LMNTD2: variants seen among roughly 807,000 people sequenced by gnomAD.
LMNTD2 encodes the protein lamin tail domain-containing protein 2.
In LMNTD2, 83 loss-of-function variants were observed where a neutral mutation model predicts 70.1. The observed-to-expected ratio is 1.18, with a 90% CI of 0.99 to 1.42. LMNTD2 has a LOEUF of 1.42. Ranked by LOEUF, LMNTD2 falls within the 40% of genes most tolerant of loss-of-function variation. The pLI, the probability that LMNTD2 is intolerant of heterozygous loss-of-function variation, is 0.00. For synonymous variants in LMNTD2, 534 were observed against 406.1 expected, an observed-to-expected ratio of 1.31 and a Z score of -3.79; for missense variants, 1,153 against 905.9, an observed-to-expected ratio of 1.27 and a Z score of -3.50.
chr11:560,690 C>T lies in LMNTD2; in HGVS notation c.27G>A (p.Arg9=), dbSNP rs988868256. The change falls in exon 1 of 14, where the codon AGG becomes AGA. Residue 9 remains arginine (R), a synonymous_variant. Transcript: ENST00000329451. The stretch of plus-strand genomic sequence containing the variant: ...GCGGGGCCAGACACCTACCCCGACG[C>T]CTGCCCGCGGGCCGCAGCCACCGCA... MRWLRPAG[R]RREQESVSGH... 57 of 1,440,418 alleles carry T rather than the reference C, an allele frequency of 4.0e-5. No individual in the cohort carries two copies. The highest frequency in any genetic ancestry group is 5.1e-5 in the Non-Finnish European group (56 of 1,088,176). The allele number at this position is 1,440,418 out of a possible 1,614,324, so 89.2% of individuals were successfully genotyped here. A position where few individuals can be genotyped will look rare whatever the true frequency, so the allele number is the denominator to read the frequency against.
intron 11 of LMNTD2, 24 bp from the exon 12 acceptor site, chr11:555,954 C>A: frequency 6.4e-7 from 1 of 1,555,810 alleles, no homozygotes. Flanking sequence ...CGGTCACCCC[C>A]ACACCCCAGC....
chr11:557,332 G>A, intron 7 of LMNTD2, 67 bp downstream of exon 7: 4 of 1,514,068 alleles, frequency 2.6e-6, no homozygotes, highest in Non-Finnish European at 3.6e-6. Context: ...TTAGTGTCCT[G>A]CGTCTTCACT....
chr11:555,768 C>T lies in LMNTD2; in HGVS notation c.1540G>A (p.Val514Met). 1 of 1,461,754 alleles carries T rather than the reference C, an allele frequency of 6.8e-7. No individual in the cohort carries two copies. Among genetic ancestry groups the T allele is most frequent in the Non-Finnish European group, 8.9e-7 (1 of 1,119,978 alleles). The allele number at this position is 1,461,754 out of a possible 1,614,324, so 90.5% of individuals were successfully genotyped here. Reference protein sequence around the residue: ...RPPRPLRKGRVREPRVSRRRP... With the variant: ...RPPRPLRKGRMREPRVSRRRP... The stretch of plus-strand genomic sequence containing the variant: ...CGGCGACTGACCCGGGGCTCCCGCA[C>T]CCGGCCTTTGCGCAGGGGTCGAGGT... Residue 514 changes from valine (V) to methionine (M), a missense_variant, in exon 12 of 14, where the codon GTG (valine) becomes ATG (methionine). Val to Met is a conservative substitution (Grantham distance 21, BLOSUM62 1). Transcript: ENST00000329451.
At position 556,537 on chromosome 11, in the gene LMNTD2, TG is replaced by T. The variant is rs757944207; in HGVS notation, c.1027del (p.Gln343SerfsTer20). On this transcript the variant is annotated frameshift_variant, in exon 9 of 14. Coordinates refer to ENST00000329451, the MANE Select transcript of LMNTD2 (RefSeq NM_173573.3). LOFTEE classifies it high-confidence loss of function. ...CCAGTGGTCCGGGTCTGTGCAGGGC[TG>T]GGGCGACAGGACCGGCTCGCCGTGC... is the stretch of plus-strand genomic sequence containing the variant. ...PRHGEPVLSP[Q>X]PCTDPDHWSP... is the part of the protein sequence containing the mutation. The T allele has an allele frequency of 5.8e-6, 9 of 1,561,276 alleles. No homozygotes were observed. The highest frequency in any genetic ancestry group is 6.9e-6 in the Non-Finnish European group (8 of 1,153,270).
chr11:559,253 C>A, intron 1 of LMNTD2: 2 of 1,494,900 alleles, frequency 1.3e-6, no homozygotes, highest in East Asian at 2.7e-5. Context: ...GGCGTGTACC[C>A]CTGCCACCCA....
At chr11:559,112 C>G (rs1853109307) in intron 1 of LMNTD2, 133 bp from the exon 2 acceptor site, 85 of 1,496,574 alleles carry the variant, frequency 5.7e-5, no homozygotes, top group Non-Finnish European at 7.3e-5. Flanking sequence ...TGTGGCCACA[C>G]AGGTTGGAGC....
At chr11:559,429 CTGTT>C (rs889622157) in intron 1 of LMNTD2, 2 of 1,306,908 alleles carry the variant, frequency 1.5e-6, no homozygotes, top group African/African-American at 1.5e-5. Context: ...AGGGGTGGGG[CTGTT>C]TGTTACCAGG....
Position 558,152 on chromosome 11 carries a change from C to T in LMNTD2, c.399+9G>A. 6.2e-7 allele frequency: 1 copy of T among 1,613,034 alleles called. No homozygotes were observed. Among genetic ancestry groups the T allele is most frequent in the South Asian group, 1.1e-5 (1 of 91,068 alleles). ...AGGACCCTGCCCACTCCCTGTGCCCCTGCCTCACCCACTGGGCTCGCTCCT... is the reference window on the plus strand; with the variant it reads ...AGGACCCTGCCCACTCCCTGTGCCCTTGCCTCACCCACTGGGCTCGCTCCT... On this transcript the variant is annotated intron_variant, in intron 4 of 13. Coordinates refer to ENST00000329451, the MANE Select transcript of LMNTD2 (RefSeq NM_173573.3).
rs1464741469 is a variant in LMNTD2, at chr11:559,351, G to C, written c.35-372C>G. ...GGCCCTACCCCCAGCACTCACCTGA[G>C]GCCCGACCTCCAAGCAGGCCTGGGA... On this transcript the variant is annotated intron_variant, in intron 1 of 13. Coordinates refer to ENST00000329451, the MANE Select transcript of LMNTD2 (RefSeq NM_173573.3). 3 of 1,349,236 alleles carry C rather than the reference G, an allele frequency of 2.2e-6. No individual in the cohort carries two copies. The South Asian group carries it at 3.7e-5, about 17-fold the overall frequency. The allele number at this position is 1,349,236 out of a possible 1,614,324, so 83.6% of individuals were successfully genotyped here.
At chr11:560,507 C>T in intron 1 of LMNTD2, 176 bp downstream of exon 1, 2 of 1,269,658 alleles carry the variant, frequency 1.6e-6, no homozygotes, top group South Asian at 5.6e-5. Flanking sequence ...CAGACTACTG[C>T]AGCTGCGGTA....
Position 560,708 on chromosome 11 carries a change from C to T in LMNTD2, c.9G>A (p.Trp3Ter). MR[W>*]LRPAGRRREQ... ...CCCGACGCCTGCCCGCGGGCCGCAG[C>T]CACCGCATTTCCGCGTTTTTCGCGG... Residue 3 changes from tryptophan (W) to a stop codon, truncating the protein, a stop_gained, in exon 1 of 14, where the codon TGG becomes TGA. Transcript: ENST00000329451. LOFTEE classifies it high-confidence loss of function. 2.8e-6 allele frequency: 4 copies of T among 1,442,220 alleles called. No individual in the cohort carries two copies. The highest frequency in any genetic ancestry group is 3.7e-6 in the Non-Finnish European group (4 of 1,090,830). 89.3% of individuals were successfully genotyped at this position (1,442,220 alleles called of 1,614,324 possible).
At chr11:556,799 G>A in intron 8 of LMNTD2, 36 bp downstream of exon 8, 2 of 1,514,566 alleles carry the variant, frequency 1.3e-6, no homozygotes, top group Non-Finnish European at 1.8e-6. Context: ...TGGAGGGTGG[G>A]TGAAGGGTAA....
chr11:557,824 C>A lies in LMNTD2; in HGVS notation c.555+60G>T, dbSNP rs878974074. ...AGGGCGCCCCAGCAGAGGCACCCGA[C>A]GAGATGGGGAGGGCTGGGGAGGGCA... On this transcript the variant is annotated intron_variant, in intron 5 of 13. Coordinates refer to ENST00000329451, the MANE Select transcript of LMNTD2 (RefSeq NM_173573.3). The A allele has an allele frequency of 2.0e-6, 3 of 1,512,944 alleles. No individual in the cohort carries two copies. In the South Asian group the frequency reaches 3.9e-5, roughly 20 times the overall value. 93.7% of individuals were successfully genotyped at this position (1,512,944 alleles called of 1,614,324 possible).
intron 7 of LMNTD2, 147 bp downstream of exon 7, chr11:557,252 C>T (rs61877803): frequency 0.046 from 62,977 of 1,368,850 alleles, 2,080 homozygotes; most frequent in Admixed American, 0.15. Flanking sequence ...TCAACCCCAA[C>T]GCATTCTACA....
rs1233054216 is a variant in LMNTD2 at position 556,336 on chromosome 11, C to T, written c.1113G>A (p.Glu371=). ...ACGGGTTGAAGATGCGGACGAACTT[C>T]TCCCGGCAGCTCACAGCCACGATCT... ...GLKIVAVSCR[E]KFVRIFNPSQ... is the part of the protein sequence containing the mutation. The change falls in exon 10 of 14, where the codon GAG becomes GAA. Residue 371 remains glutamate (E), a synonymous_variant. Transcript: ENST00000329451. The T allele has an allele frequency of 2.6e-6, 4 of 1,535,552 alleles. No individual in the cohort carries two copies. Among genetic ancestry groups the T allele is most frequent in the South Asian group, 1.2e-5 (1 of 84,008 alleles).
chr11:556,076 G>T lies in LMNTD2; in HGVS notation c.1297C>A (p.Arg433Ser), dbSNP rs773110508. The T allele has an allele frequency of 6.5e-7, 1 of 1,542,072 alleles. No homozygotes were observed. The highest frequency in any genetic ancestry group is 8.7e-7 in the Non-Finnish European group (1 of 1,155,276). Residue 433 changes from arginine (R) to serine (S), a missense_variant, in exon 11 of 14, where the codon CGC (arginine) becomes AGC (serine). Physicochemically the swap from Arg to Ser is moderately radical, Grantham distance 110 (BLOSUM62 -1). Transcript: ENST00000329451. ...EATRSAKKPL[R>S]ASSSREPVPL... is the part of the protein sequence containing the mutation. ...ACGGGCTCCCGGCTCGAGGACGCGCGCAGCGGCTTCTTGGCGCTGCGGGTC... is the reference window on the plus strand; with the variant it reads ...ACGGGCTCCCGGCTCGAGGACGCGCTCAGCGGCTTCTTGGCGCTGCGGGTC...
chr11:554,950 C>T lies in LMNTD2; in HGVS notation c.*30G>A. ...AGCCCCGGCGCCCGCCCGCGCCCTC[C>T]CTCGCGGTCCCGGCCCCACTCCTCC... On this transcript the variant is annotated 3_prime_UTR_variant, in exon 14 of 14. Coordinates refer to ENST00000329451, the MANE Select transcript of LMNTD2 (RefSeq NM_173573.3). 1 of 1,481,888 alleles carries T rather than the reference C, an allele frequency of 6.7e-7. No individual in the cohort carries two copies. Among genetic ancestry groups the T allele is most frequent in the Admixed American group, 2.6e-5 (1 of 39,028 alleles). The allele number at this position is 1,481,888 out of a possible 1,614,324, so 91.8% of individuals were successfully genotyped here. A position where few individuals can be genotyped will look rare whatever the true frequency, so the allele number is the denominator to read the frequency against.
chr11:560,414 G>A (rs1166640155), intron 1 of LMNTD2: 2 of 1,232,962 alleles, frequency 1.6e-6, no homozygotes, highest in East Asian at 3.3e-5. Flanking sequence ...TCCCGCACCA[G>A]GACTCTGCGC....
rs1337089703 is a variant in LMNTD2, at chr11:556,590, T to G, written c.977-2A>C. The G allele has an allele frequency of 4.6e-6, 7 of 1,525,810 alleles. No homozygotes were observed. Among genetic ancestry groups the G allele is most frequent in the Non-Finnish European group, 6.2e-6 (7 of 1,137,232 alleles). 94.5% of individuals were successfully genotyped at this position (1,525,810 alleles called of 1,614,324 possible). ...TGGGTGAGTGGGTTTTCTGGAGATC[T>G]AGAGAGAGCAGCGCTTTTGGGGAGG... On this transcript the variant is annotated splice_acceptor_variant, in intron 8 of 13. Transcript: ENST00000329451. LOFTEE classifies it high-confidence loss of function.
Sources: gnomAD v4.1 joint callset for allele counts on GRCh38, gnomAD v4.1.1 for gene constraint, MANE v1.5 for transcripts, NCBI Gene and HGNC (gene_info 2026-07-23, HGNC 2026-07-21) for gene names.